RAP1GAP: variants seen among roughly 807,000 people sequenced by gnomAD.
RAP1GAP encodes the protein rap1 GTPase-activating protein 1.
Under a neutral mutation model 87.2 loss-of-function variants are expected in RAP1GAP, and 35 were observed. The ratio of observed to expected loss-of-function variants is 0.40; its 90% CI spans 0.31 to 0.53. The LOEUF (loss-of-function observed/expected upper bound fraction) is 0.53. Among genes scored for constraint, RAP1GAP ranks in the 20% least tolerant of loss-of-function variants. The probability of loss-of-function intolerance (pLI) is 0.48; values close to 1 mark genes in which losing one functional copy is unlikely to be tolerated. For synonymous variants in RAP1GAP, 375 were observed against 363.9 expected (o/e 1.03, Z -0.35); for missense variants, 734 against 898.9 (o/e 0.82, Z 2.35).
intron 1 of RAP1GAP, among the ~76,000 whole-genome samples, chr1:21,660,709 C>A (rs572172825): frequency 2.0e-5 from 3 of 152,266 alleles, no homozygotes; most frequent in South Asian, 4.1e-4. Context: ...GCTCTTAGCT[C>A]ACAGAGTGAT....
At position 21,653,543 on chromosome 1, in the gene RAP1GAP, ACTTCCTTC is replaced by A. The variant is rs71569840; in HGVS notation, c.-148-3755_-148-3748del. ...CTGAAGTTTGCCTGAGAAGGGAGGA[ACTTCCTTC>A]CTTCCTTCCTTCCTTCCTTCCTTCC... On this transcript the variant is annotated intron_variant, in intron 1 of 24. Transcript: ENST00000374765. Among the ~76,000 whole-genome samples the A allele has an allele frequency of 9.0e-3, 1,119 of 124,120 alleles. 15 individuals are homozygous for A. Among genetic ancestry groups the A allele is most frequent in the African/African-American group, 0.027 (871 of 32,618 alleles). The allele number at this position is 124,120 out of a possible 152,430, so 81.4% of individuals were successfully genotyped here. A position where few individuals can be genotyped will look rare whatever the true frequency, so the allele number is the denominator to read the frequency against.
At chr1:21,654,360 G>T (rs116255285) in intron 1 of RAP1GAP, among the ~76,000 whole-genome samples, 4,066 of 152,280 alleles carry the variant, frequency 0.027, 71 homozygotes, top group Middle Eastern at 0.044. Context: ...TGTCACCTGT[G>T]CGACCTTGGT....
chr1:21,601,928 C>T, intron 19 of RAP1GAP, 131 bp from the exon 20 acceptor site: 5 of 594,886 alleles, frequency 8.4e-6, no homozygotes, highest in South Asian at 7.8e-5. Context: ...TCAGGGCCAG[C>T]CCTGGAGCAG....
At chr1:21,628,817 G>A (rs2093062330) in intron 2 of RAP1GAP, among the ~76,000 whole-genome samples, 1 of 152,048 alleles carries the variant, frequency 6.6e-6, no homozygotes, top group Admixed American at 6.5e-5. Context: ...GAACCTGGGA[G>A]GCAGAGTTTG....
intron 17 of RAP1GAP, 129 bp from the exon 18 acceptor site, chr1:21,606,326 C>T: frequency 2.3e-6 from 3 of 1,301,854 alleles, no homozygotes; most frequent in South Asian, 3.0e-5. Flanking sequence ...AAATCCCTTC[C>T]CCTGGGCATG....
At position 21,634,773 on chromosome 1, in the gene RAP1GAP, C is replaced by T. The variant is rs745627121; in HGVS notation, c.-112-8376G>A. ...GGCCACCCATTTACCTGCTGTCTAT[C>T]CAGCATCTGTCTCCCTTGCTCAGGT... On this transcript the variant is annotated intron_variant, in intron 2 of 24. Transcript: ENST00000374765. The surrounding 1 kb of genome is among the most constrained non-coding windows in gnomAD (Gnocchi z 4.1). The T allele has an allele frequency of 4.2e-6, 2 of 478,244 alleles. No homozygotes were observed. The highest frequency in any genetic ancestry group is 6.3e-5 in the East Asian group (1 of 15,900). The allele number at this position is 478,244 out of a possible 1,614,324, so 29.6% of individuals were successfully genotyped here.
intron 17 of RAP1GAP, among the ~76,000 whole-genome samples, chr1:21,606,604 C>T (rs1489840197): frequency 6.6e-6 from 1 of 152,198 alleles, no homozygotes; most frequent in African/African-American, 2.4e-5. Context: ...CTCTTGACAC[C>T]TCAGTTTCAT....
chr1:21,606,425 T>G (rs899246708), intron 17 of RAP1GAP, among the ~76,000 whole-genome samples: 3 of 152,166 alleles, frequency 2.0e-5, no homozygotes, highest in Admixed American at 1.3e-4. Flanking sequence ...GGCCTAAGGG[T>G]AGCTCAGGTA....
intron 2 of RAP1GAP, among the ~76,000 whole-genome samples, chr1:21,639,647 G>C (rs1052125923): frequency 1.3e-5 from 2 of 152,188 alleles, no homozygotes; most frequent in Non-Finnish European, 2.9e-5. Flanking sequence ...GTGTAGAGAA[G>C]AGTTATGACC....
chr1:21,635,717 C>T (rs570762579), intron 2 of RAP1GAP, among the ~76,000 whole-genome samples: 95 of 152,362 alleles, frequency 6.2e-4, no homozygotes, highest in African/African-American at 2.2e-3. Flanking sequence ...GGGGTGACCA[C>T]CCAGGCCAAG....
At chr1:21,647,166 C>G (rs372415542) in intron 2 of RAP1GAP, among the ~76,000 whole-genome samples, 10 of 152,160 alleles carry the variant, frequency 6.6e-5, no homozygotes, top group African/African-American at 2.4e-4. Flanking sequence ...AAAGTACAGC[C>G]TGGCCTTTAT....
intron 1 of RAP1GAP, among the ~76,000 whole-genome samples, chr1:21,652,602 C>T (rs2096659555): frequency 6.6e-6 from 1 of 152,126 alleles, no homozygotes; most frequent in East Asian, 1.9e-4. Flanking sequence ...CCACTCCCCT[C>T]TTGAAAAGTC....
chr1:21,658,366 G>A lies in RAP1GAP; in HGVS notation c.-148-8570C>T, dbSNP rs563355990. Among the ~76,000 whole-genome samples the A allele has an allele frequency of 1.6e-3, 248 of 152,112 alleles. 1 individual carries two copies. The highest frequency in any genetic ancestry group is 4.9e-3 in the African/African-American group (203 of 41,470). Reference sequence around the variant, plus strand: ...GTAGATCACCTGAGGCCAGGAGTTCGAGACCAGCCTGACCAATATGGTGAA... The same window carrying A: ...GTAGATCACCTGAGGCCAGGAGTTCAAGACCAGCCTGACCAATATGGTGAA... On this transcript the variant is annotated intron_variant, in intron 1 of 24. Transcript: ENST00000374765.
chr1:21,597,778 C>G lies in RAP1GAP; in HGVS notation c.1984-50G>C, dbSNP rs111818068. The G allele has an allele frequency of 6.6e-4, 1,059 of 1,605,284 alleles. 6 individuals carry two copies. The African/African-American group carries it at 0.013, about 20-fold the overall frequency. ...GCAGGTGGCAAGACGGGAGAAGCAACGGGGCGGGAGACACAGGTGCACAAA... is the reference window on the plus strand; with the variant it reads ...GCAGGTGGCAAGACGGGAGAAGCAAGGGGGCGGGAGACACAGGTGCACAAA... On this transcript the variant is annotated intron_variant, in intron 23 of 24. Coordinates refer to ENST00000374765, the MANE Select transcript of RAP1GAP (RefSeq NM_002885.4).
At chr1:21,614,167 C>G in intron 7 of RAP1GAP, 78 bp from the exon 8 acceptor site, 1 of 984,354 alleles carries the variant, frequency 1.0e-6, no homozygotes, top group South Asian at 1.5e-5. Context: ...GAAAGCCAAC[C>G]CACTCCCAGA....
chr1:21,644,985 T>C (rs2095896076), intron 2 of RAP1GAP, among the ~76,000 whole-genome samples: 1 of 151,902 alleles, frequency 6.6e-6, no homozygotes, highest in African/African-American at 2.4e-5. Flanking sequence ...TCTATTTACT[T>C]ATAGTCTGCC....
rs1308933496 is a variant in RAP1GAP at position 21,603,856 on chromosome 1, T to G, written c.1429-943A>C. ...CAACCTCTTCCACGGTTCCTATGCC[T>G]ATGGCACTGCCCCGGCGTCCGAATC... On this transcript the variant is annotated intron_variant, in intron 18 of 24. Coordinates refer to ENST00000374765, the MANE Select transcript of RAP1GAP (RefSeq NM_002885.4). This position sits in a 1 kb window ranked among gnomAD's most constrained non-coding sequence, Gnocchi z 6.0. The G allele has an allele frequency of 3.7e-6, 6 of 1,604,092 alleles. No individual in the cohort carries two copies. Among genetic ancestry groups the G allele is most frequent in the Non-Finnish European group, 2.6e-6 (3 of 1,175,388 alleles).
chr1:21,649,150 G>C (rs577925340), intron 2 of RAP1GAP, among the ~76,000 whole-genome samples: 1 of 152,328 alleles, frequency 6.6e-6, no homozygotes, highest in African/African-American at 2.4e-5. Context: ...AGGTGAGGCT[G>C]CACCTCCACC....
At position 21,608,341 on chromosome 1, in the gene RAP1GAP, G is replaced by T; in HGVS notation, c.1168C>A (p.Arg390=). The change falls in exon 17 of 25, where the codon CGG becomes AGG. Residue 390 remains arginine, a synonymous_variant. Coordinates refer to ENST00000374765, the MANE Select transcript of RAP1GAP (RefSeq NM_002885.4). The part of the protein sequence containing the change: ...EKFAKLEERT[R]AALLETLYEE... ...TAGAGCGTCTCCAGGAGGGCGGCCC[G>T]CGTCCGCTCCTGTGGGCCAGGCCCG... 1 of 1,612,974 alleles carries T rather than the reference G, an allele frequency of 6.2e-7. No individual in the cohort carries two copies.
Sources: gnomAD v4.1 joint callset for allele counts (sites outside exome capture counted in the v4.1 genomes callset) on GRCh38, gnomAD v4.1.1 for gene constraint, Gnocchi (gnomAD v3.1) non-coding constraint, MANE v1.5 for transcripts, NCBI Gene and HGNC (gene_info 2026-07-23, HGNC 2026-07-21) for gene names.